Variants in SLC35F4 observed in about 807,000 individuals in gnomAD.
SLC35F4 encodes chromosome 14 open reading frame 36.
SLC35F4 carries 24 observed loss-of-function variants against 44.2 expected under a neutral mutation model. That is an observed-to-expected ratio of 0.54 (90% CI 0.39 to 0.76). The LOEUF is 0.76. Among genes scored for constraint, SLC35F4 ranks in the 30% least tolerant of loss-of-function variants. The probability of loss-of-function intolerance (pLI) is 0.00; values close to 1 mark genes in which losing one functional copy is unlikely to be tolerated. For synonymous variants in SLC35F4, 238 were observed against 223.6 expected (o/e 1.06, Z -0.57); for missense variants, 562 against 586.1 (o/e 0.96, Z 0.42).
chr14:57,619,322 G>T (rs1763726269), intron 1 of SLC35F4, among the ~76,000 whole-genome samples: 1 of 152,116 alleles, frequency 6.6e-6, no homozygotes, highest in South Asian at 2.1e-4. Flanking sequence ...TGCCCCTCTG[G>T]GACAAAGTTT....
chr14:57,589,556 T>C (rs770868960), intron 2 of SLC35F4, 43 bp from the exon 3 acceptor site: 35 of 1,530,142 alleles, frequency 2.3e-5, no homozygotes, highest in Non-Finnish European at 3.1e-5. Flanking sequence ...AAGCAGGTTA[T>C]GAAACAGCAA....
intron 1 of SLC35F4, among the ~76,000 whole-genome samples, chr14:57,895,227 A>T (rs1888846930): frequency 6.6e-6 from 1 of 151,826 alleles, no homozygotes. Flanking sequence ...TCAAGGACAG[A>T]CTCTTACTGG....
intron 1 of SLC35F4, among the ~76,000 whole-genome samples, chr14:57,656,126 C>G (rs1175533028): frequency 6.6e-6 from 1 of 152,060 alleles, no homozygotes; most frequent in Non-Finnish European, 1.5e-5. Flanking sequence ...CATCTCTTCC[C>G]TACCTGCCCT....
At chr14:57,969,562 C>T (rs1394346296) in intron 1 of SLC35F4, among the ~76,000 whole-genome samples, 5 of 152,124 alleles carry the variant, frequency 3.3e-5, no homozygotes, top group African/African-American at 1.2e-4. Context: ...CACTTATTTT[C>T]ACCCAGTGTG....
intron 1 of SLC35F4, among the ~76,000 whole-genome samples, chr14:57,608,416 G>A (rs1216047077): frequency 6.6e-6 from 1 of 152,162 alleles, no homozygotes; most frequent in Non-Finnish European, 1.5e-5. Flanking sequence ...TAAAGATGAA[G>A]CCAGAGAAAG....
At chr14:57,708,550 A>G (rs986399739) in intron 1 of SLC35F4, among the ~76,000 whole-genome samples, 11 of 152,242 alleles carry the variant, frequency 7.2e-5, no homozygotes, top group Non-Finnish European at 7.3e-5. Flanking sequence ...TGATGTGGAC[A>G]ATGAAGTCCA....
chr14:57,589,221 T>C lies in SLC35F4; in HGVS notation c.582A>G (p.Lys194=). 1 of 1,602,846 alleles carries C rather than the reference T, an allele frequency of 6.2e-7. No homozygotes were observed. The highest frequency in any genetic ancestry group is 1.3e-5 in the African/African-American group (1 of 74,506). ...GCAGTTAACATGAAACCTACCTGAA[T>C]TTTTTCATTGGAGATTGCTTTTCTT... The part of the protein sequence containing the change: ...TAQEKQSPMK[K]FRECSRIFGE... Residue 194 remains lysine (K), a synonymous_variant, in exon 3 of 8, where the codon AAA becomes AAG. Transcript: ENST00000556826.
chr14:57,910,540 C>A (rs933451889), intron 1 of SLC35F4, among the ~76,000 whole-genome samples: 28 of 152,024 alleles, frequency 1.8e-4, no homozygotes, highest in African/African-American at 6.0e-4. Flanking sequence ...GTTCTAGAAT[C>A]TTTTGTTGCG....
intron 1 of SLC35F4, among the ~76,000 whole-genome samples, chr14:57,896,019 A>G (rs1888861466): frequency 6.6e-6 from 1 of 152,136 alleles, no homozygotes; most frequent in Non-Finnish European, 1.5e-5. Context: ...TGTATGTCAA[A>G]TTAAAATTGT....
intron 1 of SLC35F4, among the ~76,000 whole-genome samples, chr14:57,730,355 C>T (rs949642896): frequency 6.6e-6 from 1 of 151,898 alleles, no homozygotes; most frequent in African/African-American, 2.4e-5. Context: ...GAGATGATAC[C>T]TCATTGTGGT....
chr14:57,705,408 G>C (rs2140380172), intron 1 of SLC35F4, among the ~76,000 whole-genome samples: 1 of 152,248 alleles, frequency 6.6e-6, no homozygotes, highest in Non-Finnish European at 1.5e-5. Flanking sequence ...CTGGTTCTCT[G>C]TCTGACTCCA....
At chr14:57,572,565 A>G (rs142942481) in intron 4 of SLC35F4, among the ~76,000 whole-genome samples, 10 of 152,326 alleles carry the variant, frequency 6.6e-5, no homozygotes, top group African/African-American at 2.2e-4. Flanking sequence ...TCTCATAGAG[A>G]TGTATAAAGG....
chr14:57,723,583 A>G lies in SLC35F4; in HGVS notation c.104-129459T>C, dbSNP rs185724703. ...CAGATGTGGTTTCATTGCTTGAGCAAATTAACACATCTCCTGGTACCTGGT... is the reference window on the plus strand; with the variant it reads ...CAGATGTGGTTTCATTGCTTGAGCAGATTAACACATCTCCTGGTACCTGGT... On this transcript the variant is annotated intron_variant, in intron 1 of 7. Coordinates refer to ENST00000556826, the MANE Select transcript of SLC35F4 (RefSeq NM_001306087.2). Among the ~76,000 whole-genome samples, 51 of 152,370 alleles carry G rather than the reference A, an allele frequency of 3.3e-4. 1 individual carries two copies. The East Asian group carries it at 5.6e-3, about 17-fold the overall frequency.
chr14:57,733,136 G>A (rs1277556050), intron 1 of SLC35F4, among the ~76,000 whole-genome samples: 3 of 152,078 alleles, frequency 2.0e-5, no homozygotes, highest in Non-Finnish European at 4.4e-5. Context: ...GTTTAGCTTG[G>A]GCACTGGTCC....
chr14:57,668,678 C>G (rs549965095), intron 1 of SLC35F4, among the ~76,000 whole-genome samples: 5 of 152,132 alleles, frequency 3.3e-5, no homozygotes, highest in Admixed American at 3.3e-4. Flanking sequence ...CTGTTCTGTT[C>G]CATTGGCCTA....
intron 1 of SLC35F4, among the ~76,000 whole-genome samples, chr14:57,893,146 C>A (rs72624739): frequency 6.6e-6 from 1 of 152,052 alleles, no homozygotes; most frequent in Non-Finnish European, 1.5e-5. Context: ...GGAAGGCCAA[C>A]AGGGAGAAAA....
intron 3 of SLC35F4, 82 bp from the exon 4 acceptor site, chr14:57,581,515 G>C (rs767444828): frequency 6.4e-6 from 8 of 1,252,096 alleles, no homozygotes; most frequent in Middle Eastern, 4.3e-4. Flanking sequence ...GCCATTTTCA[G>C]GTAAGAGCAC....
chr14:57,874,716 A>C (rs1293237089), intron 1 of SLC35F4, among the ~76,000 whole-genome samples: 1 of 152,052 alleles, frequency 6.6e-6, no homozygotes, highest in African/African-American at 2.4e-5. Context: ...AAATCTACTC[A>C]TGTTGCCATC....
chr14:57,699,080 T>C (rs1242945790), intron 1 of SLC35F4, among the ~76,000 whole-genome samples: 2 of 152,196 alleles, frequency 1.3e-5, no homozygotes, highest in African/African-American at 2.4e-5. Context: ...TTAAGTAAGA[T>C]GTAAGTCTGC....
Sources: allele counts gnomAD v4.1 joint callset (sites outside exome capture counted in the v4.1 genomes callset), GRCh38; gene constraint gnomAD v4.1.1; transcripts MANE v1.5; gene names NCBI Gene and HGNC (gene_info 2026-07-23, HGNC 2026-07-21).